Variants in KPNA6 observed in about 807,000 individuals in gnomAD.
The protein encoded by KPNA6 is karyopherin subunit alpha 6.
In KPNA6, 9 loss-of-function variants were observed where a neutral mutation model predicts 72.0. The ratio of observed to expected loss-of-function variants is 0.13; its 90% CI spans 0.08 to 0.22. The LOEUF is 0.22. KPNA6 is among the 10% of genes least tolerant of loss of function. The pLI, the probability that KPNA6 is intolerant of heterozygous loss-of-function variation, is 1.00. For missense variants in KPNA6, 374 were observed against 655.7 expected (o/e 0.57, Z 4.69); for synonymous variants, 219 against 242.1 (o/e 0.90, Z 0.89).
Position 32,170,826 on chromosome 1 carries a change from G to A in KPNA6, c.1543G>A (p.Val515Ile), listed in dbSNP as rs1407608161. ...CGATGATAGCAGCCTGGCTCCCCAA[G>A]TCGATGAAACGCAACAGCAGTTCAT... ...EDDDSSLAPQVDETQQQFIFQ... is the reference protein window; with the variant it reads ...EDDDSSLAPQIDETQQQFIFQ... Residue 515 changes from valine (V) to isoleucine (I), a missense_variant, in exon 14 of 14, where the codon GTC (valine) becomes ATC (isoleucine). By Grantham distance (29) the Val-to-Ile change is conservative (BLOSUM62 3). Around this residue, in one of 3 missense-constraint regions of KPNA6, gnomAD observed 42 missense variants for 49.8 expected, o/e 0.84. Coordinates refer to ENST00000373625, the MANE Select transcript of KPNA6 (RefSeq NM_012316.5). 6.2e-7 allele frequency: 1 copy of A among 1,614,206 alleles called. No individual in the cohort carries two copies. Among genetic ancestry groups the A allele is most frequent in the African/African-American group, 1.3e-5 (1 of 75,060 alleles).
chr1:32,111,481 G>A (rs1366229450), intron 1 of KPNA6, among the ~76,000 whole-genome samples: 2 of 152,094 alleles, frequency 1.3e-5, no homozygotes, highest in Admixed American at 1.3e-4. Flanking sequence ...CTCCCTCATC[G>A]TAGCTTGTCT....
intron 9 of KPNA6, 119 bp from the exon 10 acceptor site, chr1:32,163,116 A>G (rs990622636): frequency 8.8e-6 from 6 of 683,284 alleles, no homozygotes; most frequent in Non-Finnish European, 1.6e-5. Context: ...AAAAAAAAGA[A>G]AAAAGAAAAA....
At chr1:32,162,259 G>A in intron 8 of KPNA6, 102 bp from the exon 9 acceptor site, 1 of 1,128,130 alleles carries the variant, frequency 8.9e-7, no homozygotes, top group Non-Finnish European at 1.3e-6. Flanking sequence ...GGAATTACTT[G>A]TGTGTGTGTA....
Position 32,143,464 on chromosome 1 carries a change from A to G in KPNA6, c.5-11124A>G, listed in dbSNP as rs552309106. Among the ~76,000 whole-genome samples, 7 of 151,966 alleles carry G rather than the reference A, an allele frequency of 4.6e-5. No individual in the cohort carries two copies. The East Asian group carries it at 1.4e-3, about 30-fold the overall frequency. ...GCCGGGCATGGTGGTGGGTGCCTGT[A>G]ATCCCCACTACTTGAGGAGAATCAC... On this transcript the variant is annotated intron_variant, in intron 1 of 13. Transcript: ENST00000373625.
intron 1 of KPNA6, among the ~76,000 whole-genome samples, chr1:32,126,578 T>G (rs1641540186): frequency 6.6e-6 from 1 of 151,962 alleles, no homozygotes; most frequent in Non-Finnish European, 1.5e-5. Context: ...AGAGACGAGG[T>G]TTCACCATGT....
chr1:32,158,640 G>A lies in KPNA6; in HGVS notation c.426+279G>A, dbSNP rs552954796. Among the ~76,000 whole-genome samples the A allele has an allele frequency of 2.6e-5, 4 of 151,998 alleles. No individual in the cohort carries two copies. In the South Asian group the frequency reaches 8.3e-4, roughly 32 times the overall value. On this transcript the variant is annotated intron_variant, in intron 5 of 13. Coordinates refer to ENST00000373625, the MANE Select transcript of KPNA6 (RefSeq NM_012316.5). ...AGTAGGTCTTATTAATTCTTTCTGG[G>A]TTTTTTTGTACCCATTACTTATCCC... is the stretch of plus-strand genomic sequence containing the variant.
intron 1 of KPNA6, among the ~76,000 whole-genome samples, chr1:32,149,915 T>C (rs1250417782): frequency 1.3e-5 from 2 of 152,120 alleles, no homozygotes; most frequent in Non-Finnish European, 2.9e-5. Context: ...AAATGTTTTG[T>C]TGTTTTCTGA....
intron 1 of KPNA6, among the ~76,000 whole-genome samples, chr1:32,113,800 C>T (rs111441219): frequency 3.3e-5 from 5 of 152,242 alleles, no homozygotes; most frequent in African/African-American, 1.2e-4. Flanking sequence ...CTCAAGAAAC[C>T]ATTTGTTTGC....
intron 1 of KPNA6, among the ~76,000 whole-genome samples, chr1:32,119,011 TA>T (rs1557457033): frequency 7.1e-4 from 48 of 67,652 alleles, no homozygotes; most frequent in African/African-American, 2.1e-3. Flanking sequence ...TATATATATA[TA>T]TATATATATA....
intron 5 of KPNA6, among the ~76,000 whole-genome samples, chr1:32,159,159 T>C (rs916258155): frequency 1.3e-5 from 2 of 152,200 alleles, no homozygotes; most frequent in African/African-American, 4.8e-5. Context: ...AAGCCCAATG[T>C]CTTATTCTCA....
At chr1:32,113,658 T>A (rs1263238118) in intron 1 of KPNA6, among the ~76,000 whole-genome samples, 4 of 152,054 alleles carry the variant, frequency 2.6e-5, no homozygotes, top group South Asian at 2.1e-4. Flanking sequence ...CCTAAGCCTG[T>A]CTTGAACTGG....
chr1:32,128,426 T>TATATATATATATATATATAC (rs1491304508), intron 1 of KPNA6, among the ~76,000 whole-genome samples: 2 of 99,166 alleles, frequency 2.0e-5, no homozygotes, highest in East Asian at 3.2e-4. Context: ...TATATATATA[T>TATATATATATATATATATAC]ACACACACAC....
chr1:32,168,844 T>A (rs2124096496), intron 12 of KPNA6, among the ~76,000 whole-genome samples: 1 of 152,228 alleles, frequency 6.6e-6, no homozygotes, highest in East Asian at 1.9e-4. Flanking sequence ...GGTATTATGG[T>A]ATTGTTGTGC....
At chr1:32,145,790 T>C (rs946632802) in intron 1 of KPNA6, among the ~76,000 whole-genome samples, 1 of 152,228 alleles carries the variant, frequency 6.6e-6, no homozygotes, top group Non-Finnish European at 1.5e-5. Context: ...TCCATATGCT[T>C]ATCCTTATGC....
intron 1 of KPNA6, among the ~76,000 whole-genome samples, chr1:32,128,392 T>C (rs1174162818): frequency 2.0e-5 from 1 of 50,218 alleles, no homozygotes; most frequent in Non-Finnish European, 3.4e-5. Context: ...TGTATTTATA[T>C]ATATATATAT....
At chr1:32,133,013 A>G (rs1357785541) in intron 1 of KPNA6, among the ~76,000 whole-genome samples, 1 of 152,026 alleles carries the variant, frequency 6.6e-6, no homozygotes, top group Admixed American at 6.5e-5. Flanking sequence ...GGGATTACAG[A>G]TGTGAGCCAC....
chr1:32,134,357 C>G (rs1250302246), intron 1 of KPNA6, among the ~76,000 whole-genome samples: 1 of 151,548 alleles, frequency 6.6e-6, no homozygotes, highest in Non-Finnish European at 1.5e-5. Flanking sequence ...GGGGTTGTTA[C>G]CACTAAACCT....
At chr1:32,131,964 T>C (rs987140764) in intron 1 of KPNA6, among the ~76,000 whole-genome samples, 1 of 151,512 alleles carries the variant, frequency 6.6e-6, no homozygotes, top group Non-Finnish European at 1.5e-5. Flanking sequence ...TATATTTATT[T>C]ATTTATTTAT....
chr1:32,167,945 C>G (rs1041831149), intron 12 of KPNA6, among the ~76,000 whole-genome samples: 1 of 151,940 alleles, frequency 6.6e-6, no homozygotes, highest in Non-Finnish European at 1.5e-5. Flanking sequence ...GCAGGAGGAT[C>G]CTTTAAACCC....
Sources: allele counts gnomAD v4.1 joint callset (sites outside exome capture counted in the v4.1 genomes callset), GRCh38; gene constraint gnomAD v4.1.1; regional missense constraint gnomAD v4.1.1; transcripts MANE v1.5; gene names NCBI Gene and HGNC (gene_info 2026-07-23, HGNC 2026-07-21).